DPRX: variants seen among roughly 807,000 people sequenced by gnomAD.
DPRX encodes the protein divergent paired-related homeobox.
A neutral mutation model predicts 8.4 loss-of-function variants in DPRX; 11 were observed. The ratio of observed to expected loss-of-function variants is 1.31; its 90% CI spans 0.82 to 2.17. The LOEUF is 2.17. DPRX is among the 30% of genes most tolerant of loss of function. The pLI is 0.00. For missense variants in DPRX, 211 were observed against 236.7 expected (o/e 0.89, Z 0.71); for synonymous variants, 72 against 87.0 (o/e 0.83, Z 0.96).
the DPRX span, among the ~76,000 whole-genome samples, chr19:53,605,187 T>C: frequency 6.6e-6 from 1 of 152,074 alleles, no homozygotes; most frequent in African/African-American, 2.4e-5. Context: ...CACTGTACAC[T>C]GGCATGGGTA....
At chr19:53,603,050 T>C in the DPRX span, among the ~76,000 whole-genome samples, 1 of 151,222 alleles carries the variant, frequency 6.6e-6, no homozygotes, top group Non-Finnish European at 1.5e-5. Flanking sequence ...TATATATATA[T>C]GGCTTTTTGT....
At chr19:53,617,308 C>A in the DPRX span, 3 of 647,940 alleles carry the variant, frequency 4.6e-6, no homozygotes, top group South Asian at 3.2e-5. Context: ...CCTGTAATCC[C>A]AGCACTTTGG....
the DPRX span, among the ~76,000 whole-genome samples, chr19:53,624,745 G>T: frequency 6.6e-6 from 1 of 150,684 alleles, no homozygotes; most frequent in African/African-American, 2.4e-5. Context: ...GGGAAACTGA[G>T]GCACGAGAAT....
chr19:53,612,008 C>T, the DPRX span, among the ~76,000 whole-genome samples: 5 of 151,878 alleles, frequency 3.3e-5, no homozygotes, highest in Admixed American at 6.6e-5. Context: ...TGCTTGAATC[C>T]GGGAGGTGGA....
the DPRX span, among the ~76,000 whole-genome samples, chr19:53,617,929 G>A: frequency 6.6e-6 from 1 of 152,050 alleles, no homozygotes; most frequent in South Asian, 2.1e-4. Context: ...CACGAGGTCA[G>A]GAGTTCCAGA....
At chr19:53,618,360 A>G in the DPRX span, among the ~76,000 whole-genome samples, 4 of 152,004 alleles carry the variant, frequency 2.6e-5, no homozygotes, top group African/African-American at 9.7e-5. Context: ...GGCTTTAACT[A>G]GAGTGTGTGA....
intron 2 of DPRX, among the ~76,000 whole-genome samples, chr19:53,635,069 C>T (rs1462068036): frequency 6.6e-6 from 1 of 152,168 alleles, no homozygotes; most frequent in East Asian, 1.9e-4. Context: ...ACCTCCCGGG[C>T]TCAAGCAATC....
At chr19:53,609,279 G>A in the DPRX span, among the ~76,000 whole-genome samples, 9 of 149,356 alleles carry the variant, frequency 6.0e-5, no homozygotes, top group African/African-American at 2.2e-4. Context: ...ACCAGCCTGG[G>A]CAACATGGTG....
chr19:53,631,389 A>C (rs1014944528), upstream of DPRX, among the ~76,000 whole-genome samples: 1 of 152,134 alleles, frequency 6.6e-6, no homozygotes, highest in African/African-American at 2.4e-5. Context: ...GCCACTAAAG[A>C]ATATATAAGT....
the DPRX span, among the ~76,000 whole-genome samples, chr19:53,609,790 G>C: frequency 3.9e-5 from 6 of 151,952 alleles, no homozygotes; most frequent in Non-Finnish European, 8.8e-5. Flanking sequence ...TTTGGGACCA[G>C]CCTGGCCAAC....
chr19:53,630,444 C>T (rs1392815726), upstream of DPRX, among the ~76,000 whole-genome samples: 1 of 151,782 alleles, frequency 6.6e-6, no homozygotes, highest in Non-Finnish European at 1.5e-5. Context: ...CCCAGTTACT[C>T]AGGAGGCTTA....
At chr19:53,601,470 T>C in the DPRX span, 1 of 392,258 alleles carries the variant, frequency 2.5e-6, no homozygotes, top group Non-Finnish European at 5.0e-6. Flanking sequence ...CAGTCGCATA[T>C]TCAATGCCTA....
the DPRX span, among the ~76,000 whole-genome samples, chr19:53,618,446 C>A: frequency 6.6e-6 from 1 of 151,386 alleles, no homozygotes; most frequent in Non-Finnish European, 1.5e-5. Flanking sequence ...GAAATAAATA[C>A]TAATTAAAAA....
upstream of DPRX, among the ~76,000 whole-genome samples, chr19:53,631,595 A>G (rs768862062): frequency 2.0e-5 from 3 of 151,956 alleles, no homozygotes; most frequent in East Asian, 2.0e-4. Context: ...CTCCGTCTCT[A>G]CTAAAAATAC....
the DPRX span, among the ~76,000 whole-genome samples, chr19:53,625,331 G>A: frequency 6.6e-6 from 1 of 152,064 alleles, no homozygotes; most frequent in Non-Finnish European, 1.5e-5. Flanking sequence ...TCTTATCACA[G>A]GCATGAGCCA....
At chr19:53,616,736 A>G in the DPRX span, 1 of 1,330,254 alleles carries the variant, frequency 7.5e-7, no homozygotes, top group African/African-American at 1.5e-5. Context: ...CCTGGGCAAC[A>G]AGAGCGAAAC....
the DPRX span, chr19:53,608,235 TA>T: frequency 0.44 from 64,757 of 146,386 alleles, 14,477 homozygotes; most frequent in Admixed American, 0.52. Context: ...AATTAAAAAA[TA>T]AAAAAAAATA....
chr19:53,626,823 C>T, the DPRX span, among the ~76,000 whole-genome samples: 2 of 152,196 alleles, frequency 1.3e-5, no homozygotes, highest in African/African-American at 4.8e-5. Context: ...CTCAGCCTCC[C>T]GAGTAGCTGG....
At chr19:53,630,833 A>G (rs2091089814), upstream of DPRX, among the ~76,000 whole-genome samples, 1 of 151,372 alleles carries the variant, frequency 6.6e-6, no homozygotes, top group Non-Finnish European at 1.5e-5. Context: ...GGGCATCTGA[A>G]AGGTGTTGCA....
Sources: allele counts gnomAD v4.1 joint callset (sites outside exome capture counted in the v4.1 genomes callset), GRCh38; gene constraint gnomAD v4.1.1; transcripts MANE v1.5; gene names NCBI Gene and HGNC (gene_info 2026-07-23, HGNC 2026-07-21).